The following GRIA4 variants were observed in gnomAD, a reference collection of about 807,000 sequenced individuals.
GRIA4 encodes the protein glutamate ionotropic receptor AMPA type subunit 4.
A neutral mutation model predicts 104.0 loss-of-function variants in GRIA4; 34 were observed. The ratio of observed to expected loss-of-function variants is 0.33; its 90% CI spans 0.25 to 0.44. The LOEUF is 0.44. GRIA4 is among the 20% of genes least tolerant of loss of function. The probability of loss-of-function intolerance (pLI) is 1.00; values close to 1 mark genes in which losing one functional copy is unlikely to be tolerated. For synonymous variants in GRIA4, 386 were observed against 381.9 expected, an observed-to-expected ratio of 1.01 and a Z score of -0.13; for missense variants, 750 against 1,096.5, an observed-to-expected ratio of 0.68 and a Z score of 4.46.
intron 3 of GRIA4, among the ~76,000 whole-genome samples, chr11:105,726,143 T>C (rs551298583): frequency 8.5e-5 from 13 of 152,258 alleles, no homozygotes; most frequent in African/African-American, 3.1e-4. Flanking sequence ...ATCCACTGGC[T>C]TGAAATTCTC....
At chr11:105,692,448 A>G (rs2121062) in intron 3 of GRIA4, among the ~76,000 whole-genome samples, 146,985 of 152,222 alleles carry the variant, frequency 0.97, 71,144 homozygotes, top group Non-Finnish European at 1. Context: ...TTACACTTCC[A>G]TAGCTTCATT....
chr11:105,770,343 T>G (rs1015530409), intron 4 of GRIA4, among the ~76,000 whole-genome samples: 1 of 152,112 alleles, frequency 6.6e-6, no homozygotes, highest in Non-Finnish European at 1.5e-5. Context: ...AAGAAATGTG[T>G]TGGTCAATAT....
At chr11:105,763,778 A>C (rs897906103) in intron 4 of GRIA4, among the ~76,000 whole-genome samples, 4 of 152,202 alleles carry the variant, frequency 2.6e-5, no homozygotes, top group African/African-American at 4.8e-5. Flanking sequence ...TGTGAGAGAC[A>C]TTCCTCTCTG....
chr11:105,805,478 G>GAAAAAAAAACAAAAAA (rs1942910194), intron 4 of GRIA4, among the ~76,000 whole-genome samples: 1 of 92,504 alleles, frequency 1.1e-5, no homozygotes. Context: ...AAGAAATCAG[G>GAAAAAAAAACAAAAAA]AAAAAAAAAA....
chr11:105,669,774 G>A (rs963231841), intron 3 of GRIA4, among the ~76,000 whole-genome samples: 1 of 152,084 alleles, frequency 6.6e-6, no homozygotes. Context: ...GTGTGTCAAG[G>A]TATTCCATAT....
At chr11:105,643,801 C>T (rs111326013) in intron 3 of GRIA4, among the ~76,000 whole-genome samples, 7 of 152,184 alleles carry the variant, frequency 4.6e-5, no homozygotes, top group African/African-American at 9.6e-5. Context: ...TCAGTGCAAC[C>T]TCTGCCTCCC....
intron 3 of GRIA4, among the ~76,000 whole-genome samples, chr11:105,655,417 C>A (rs569581100): frequency 2.6e-5 from 4 of 152,080 alleles, no homozygotes; most frequent in African/African-American, 9.6e-5. Context: ...TATACATGTA[C>A]CATGGTGGTT....
At chr11:105,622,221 G>T (rs1333784279) in intron 3 of GRIA4, among the ~76,000 whole-genome samples, 1 of 151,500 alleles carries the variant, frequency 6.6e-6, no homozygotes, top group South Asian at 2.1e-4. Context: ...CATAAAAAAG[G>T]CATTCCTAGC....
chr11:105,933,073 TA>T (rs34075858), intron 13 of GRIA4, among the ~76,000 whole-genome samples: 4 of 149,062 alleles, frequency 2.7e-5, no homozygotes, highest in Non-Finnish European at 6.0e-5. Context: ...ATCCCATCTT[TA>T]AAAAAATTTT....
intron 6 of GRIA4, among the ~76,000 whole-genome samples, chr11:105,896,231 G>C (rs746271423): frequency 6.6e-6 from 1 of 152,002 alleles, no homozygotes; most frequent in African/African-American, 2.4e-5. Context: ...GTTGTCTTTT[G>C]GGAAGTATCT....
At position 105,753,054 on chromosome 11, in the gene GRIA4, C is replaced by T. The variant is rs772008810; in HGVS notation, c.321C>T (p.Thr107=). The change falls in exon 4 of 17, where the codon ACC becomes ACT. Residue 107 remains threonine, a synonymous_variant. Transcript: ENST00000282499. ...ATAAGAGGTCGGTACATACCTTGAC[C>T]TCATTCTGCAGCGCCTTACATATCT... The part of the protein sequence containing the change: ...LYDKRSVHTL[T]SFCSALHISL... 1.2e-5 allele frequency: 19 copies of T among 1,613,626 alleles called. No homozygotes were observed. The highest frequency in any genetic ancestry group is 3.3e-5 in the Admixed American group (2 of 59,970).
At chr11:105,725,862 C>G (rs926618108) in intron 3 of GRIA4, among the ~76,000 whole-genome samples, 1 of 152,108 alleles carries the variant, frequency 6.6e-6, no homozygotes, top group African/African-American at 2.4e-5. Context: ...GCTATCTGGC[C>G]AAGATACTAT....
intron 4 of GRIA4, among the ~76,000 whole-genome samples, chr11:105,792,249 A>G (rs747350982): frequency 2.0e-5 from 3 of 152,202 alleles, no homozygotes; most frequent in Non-Finnish European, 2.9e-5. Context: ...ATAAACGAAC[A>G]TCAAGAGCTA....
intron 3 of GRIA4, among the ~76,000 whole-genome samples, chr11:105,705,486 G>T (rs1484777925): frequency 6.6e-6 from 1 of 151,984 alleles, no homozygotes; most frequent in African/African-American, 2.4e-5. Flanking sequence ...TGATAAACTG[G>T]GAGAAAATGT....
intron 3 of GRIA4, among the ~76,000 whole-genome samples, chr11:105,634,435 A>T (rs1951128480): frequency 7.3e-6 from 1 of 137,552 alleles, no homozygotes; most frequent in African/African-American, 2.8e-5. Flanking sequence ...GGAAGGGAGG[A>T]GAAAGGAAGG....
intron 3 of GRIA4, among the ~76,000 whole-genome samples, chr11:105,692,195 C>T (rs909283433): frequency 2.0e-5 from 3 of 151,684 alleles, no homozygotes; most frequent in African/African-American, 4.8e-5. Context: ...TTATTAAGAA[C>T]CCCCCATGGG....
intron 3 of GRIA4, among the ~76,000 whole-genome samples, chr11:105,702,087 C>G (rs1408140706): frequency 1.3e-5 from 2 of 152,158 alleles, no homozygotes; most frequent in East Asian, 3.9e-4. Flanking sequence ...GGTGCTGCAA[C>G]TACATCTGGC....
At chr11:105,787,027 G>A (rs1197765371) in intron 4 of GRIA4, among the ~76,000 whole-genome samples, 4 of 152,116 alleles carry the variant, frequency 2.6e-5, no homozygotes, top group African/African-American at 9.7e-5. Context: ...CTTTCTTAGT[G>A]TACATTTTAA....
intron 16 of GRIA4, among the ~76,000 whole-genome samples, chr11:105,976,322 TAGTTCATTTCAA>T (rs1188474409): frequency 1.3e-5 from 2 of 152,070 alleles, no homozygotes; most frequent in Non-Finnish European, 2.9e-5. Context: ...CTGTGTATGC[TAGTTCATTTCAA>T]AGTTCAGGGA....
Sources: gnomAD v4.1 joint callset for allele counts (sites outside exome capture counted in the v4.1 genomes callset) on GRCh38, gnomAD v4.1.1 for gene constraint, MANE v1.5 for transcripts, NCBI Gene and HGNC (gene_info 2026-07-23, HGNC 2026-07-21) for gene names.